Variants in NLRP2 observed in about 807,000 individuals in gnomAD.
NLRP2 encodes the protein NLR family pyrin domain containing 2, also known as NACHT, LRR and PYD domains-containing protein 2.
In NLRP2, 107 loss-of-function variants were observed where a neutral mutation model predicts 97.2. The observed-to-expected ratio is 1.10, with a 90% CI of 0.94 to 1.29. The LOEUF is 1.29. NLRP2 is among the 50% of genes most tolerant of loss of function. The probability of loss-of-function intolerance (pLI) is 0.00; values close to 1 mark genes in which losing one functional copy is unlikely to be tolerated. For missense variants in NLRP2, 1,495 were observed against 1,330.3 expected, an observed-to-expected ratio of 1.12 and a Z score of -1.93; for synonymous variants, 663 against 551.5, an observed-to-expected ratio of 1.20 and a Z score of -2.83.
In NLRP2 at chr19:54,983,488, C is replaced by G. The variant is rs921305811; in HGVS notation, c.1790C>G (p.Ser597Ter). 8.7e-6 allele frequency: 14 copies of G among 1,614,012 alleles called. No homozygotes were observed. Among genetic ancestry groups the G allele is most frequent in the African/African-American group, 2.7e-5 (2 of 74,934 alleles). Reference sequence around the variant, plus strand: ...GACATAAGTTGTAAGGGTGGACATTCAACGGTGACAGACCTGCAGGAGCTC... The same window carrying G: ...GACATAAGTTGTAAGGGTGGACATTGAACGGTGACAGACCTGCAGGAGCTC... The part of the protein sequence containing the change: ...RCDISCKGGH[S>*]TVTDLQELLG... The change falls in exon 6 of 13, where the codon TCA (serine) becomes TGA (stop). Residue 597 changes from serine to a stop codon, truncating the protein, a stop_gained. Coordinates refer to ENST00000448584, the MANE Select transcript of NLRP2 (RefSeq NM_017852.5). LOFTEE classifies it high-confidence loss of function.
intron 8 of NLRP2, among the ~76,000 whole-genome samples, chr19:54,988,198 T>C (rs181439996): frequency 1.4e-4 from 22 of 152,324 alleles, no homozygotes; most frequent in Admixed American, 2.0e-4. Flanking sequence ...CTATCATTAC[T>C]AACCGTTGCA....
chr19:54,970,397 T>C, intron 2 of NLRP2, 102 bp downstream of exon 2: 1 of 1,416,940 alleles, frequency 7.1e-7, no homozygotes, highest in Non-Finnish European at 9.9e-7. Context: ...ACGCCTGTCG[T>C]CCCAGCCCTT....
chr19:54,997,100 G>A (rs1274942196), intron 11 of NLRP2, among the ~76,000 whole-genome samples: 1 of 152,096 alleles, frequency 6.6e-6, no homozygotes, highest in East Asian at 1.9e-4. Flanking sequence ...TAGAGACACG[G>A]TTTTACCATG....
intron 1 of NLRP2, among the ~76,000 whole-genome samples, chr19:54,968,129 G>T (rs2070595406): frequency 6.6e-6 from 1 of 152,056 alleles, no homozygotes; most frequent in Non-Finnish European, 1.5e-5. Flanking sequence ...TGTTGGCCAG[G>T]CTGGTCTCAA....
chr19:54,968,064 G>T (rs971695440), intron 1 of NLRP2, among the ~76,000 whole-genome samples: 1 of 151,734 alleles, frequency 6.6e-6, no homozygotes, highest in African/African-American at 2.4e-5. Context: ...GACTACAGCC[G>T]CCTGTCACCA....
At chr19:54,997,199 C>T in intron 11 of NLRP2, 118 bp from the exon 12 acceptor site, 2 of 1,067,034 alleles carry the variant, frequency 1.9e-6, no homozygotes, top group Non-Finnish European at 2.9e-6. Context: ...ACCACCGTGC[C>T]CGGCCTGAGA....
chr19:54,977,577 T>TA (rs1418281245), intron 3 of NLRP2, among the ~76,000 whole-genome samples, 175 bp from the exon 4 acceptor site: 3 of 151,034 alleles, frequency 2.0e-5, no homozygotes, highest in African/African-American at 7.3e-5. Flanking sequence ...GAAAGGCACA[T>TA]AAACCTGGGA....
At chr19:54,965,600 C>T (rs373845487), upstream of NLRP2, among the ~76,000 whole-genome samples, 309 of 43,904 alleles carry the variant, frequency 7.0e-3, 18 homozygotes, top group East Asian at 0.082. Context: ...GGACTACAGG[C>T]GCCCGCCACC....
At chr19:54,986,107 A>G (rs368038179) in intron 7 of NLRP2, 44 bp from the exon 8 acceptor site, 3 of 1,291,358 alleles carry the variant, frequency 2.3e-6, no homozygotes. Flanking sequence ...AGTACGATAC[A>G]GGTGTACACA....
chr19:54,971,327 G>A, intron 2 of NLRP2, among the ~76,000 whole-genome samples: 1 of 151,314 alleles, frequency 6.6e-6, no homozygotes, highest in East Asian at 1.9e-4. Flanking sequence ...AGTCATTTGG[G>A]TATATACCCA....
At position 54,982,389 on chromosome 19, in the gene NLRP2, G is replaced by T. The variant is rs531856312; in HGVS notation, c.691G>T (p.Ala231Ser). Residue 231 changes from alanine (A) to serine (S), a missense_variant, in exon 6 of 13, where the codon GCA becomes TCA. Coordinates refer to ENST00000448584, the MANE Select transcript of NLRP2 (RefSeq NM_017852.5). ...GGCCCAGAAACTAATGCTAGACTGGGCAGAGGACAACCTCATCCACAAATT... is the reference window on the plus strand; with the variant it reads ...GGCCCAGAAACTAATGCTAGACTGGTCAGAGGACAACCTCATCCACAAATT... ...TLAQKLMLDW[A>S]EDNLIHKFKY... The T allele has an allele frequency of 1.4e-4, 230 of 1,613,996 alleles. No individual in the cohort carries two copies. The highest frequency in any genetic ancestry group is 1.8e-4 in the Non-Finnish European group (217 of 1,180,038).
chr19:54,980,589 C>T (rs1205853550), intron 4 of NLRP2, among the ~76,000 whole-genome samples: 1 of 152,226 alleles, frequency 6.6e-6, no homozygotes, highest in African/African-American at 2.4e-5. Context: ...CCCCAGCGGG[C>T]AGGTTGTCAT....
intron 10 of NLRP2, among the ~76,000 whole-genome samples, chr19:54,992,142 G>A (rs920310570): frequency 2.0e-5 from 3 of 151,584 alleles, no homozygotes; most frequent in Non-Finnish European, 2.9e-5. Flanking sequence ...GTCTCGAACT[G>A]ACCTCATGAT....
At chr19:54,980,416 G>C (rs906659081) in intron 4 of NLRP2, among the ~76,000 whole-genome samples, 10 of 151,720 alleles carry the variant, frequency 6.6e-5, no homozygotes, top group East Asian at 2.0e-4. Flanking sequence ...GGATGGTCTC[G>C]ATCTCCTGAC....
intron 2 of NLRP2, among the ~76,000 whole-genome samples, chr19:54,970,928 G>C (rs1485144891): frequency 7.2e-6 from 1 of 138,780 alleles, no homozygotes; most frequent in Non-Finnish European, 1.6e-5. Flanking sequence ...CCACTAACTC[G>C]TCATCTAGCA....
intron 2 of NLRP2, chr19:54,973,701 G>C: frequency 2.5e-6 from 1 of 399,902 alleles, no homozygotes; most frequent in East Asian, 6.5e-5. Flanking sequence ...GCTGACCTCC[G>C]GAGGTTACAA....
intron 4 of NLRP2, among the ~76,000 whole-genome samples, chr19:54,978,070 GT>G (rs1415517450): frequency 6.6e-6 from 1 of 151,546 alleles, no homozygotes; most frequent in East Asian, 1.9e-4. Flanking sequence ...TTTTGTTTTT[GT>G]TTTTGTTTTG....
chr19:54,974,330 CAG>C, intron 2 of NLRP2, 168 bp from the exon 3 acceptor site: 1 of 675,066 alleles, frequency 1.5e-6, no homozygotes, highest in Admixed American at 2.4e-5. Context: ...GCCTGGGCAA[CAG>C]AGTGACACTC....
Position 55,000,997 on chromosome 19 carries a change from A to T in NLRP2, c.*99A>T, listed in dbSNP as rs2073161312. 9.4e-7 allele frequency: 1 copy of T among 1,060,664 alleles called. No homozygotes were observed. Among genetic ancestry groups the T allele is most frequent in the Non-Finnish European group, 1.5e-6 (1 of 686,802 alleles). 65.7% of individuals were successfully genotyped at this position (1,060,664 alleles called of 1,614,324 possible). A position where few individuals can be genotyped will look rare whatever the true frequency, so the allele number is the denominator to read the frequency against. The stretch of plus-strand genomic sequence containing the variant: ...CCTCCCCGGCCCCTACCCCTCAGGG[A>T]TAATGAGTTCATTGCTGGGCTAGAT... On this transcript the variant is annotated 3_prime_UTR_variant, in exon 13 of 13. Transcript: ENST00000448584.
Sources: gnomAD v4.1 joint callset for allele counts (sites outside exome capture counted in the v4.1 genomes callset) on GRCh38, gnomAD v4.1.1 for gene constraint, MANE v1.5 for transcripts, NCBI Gene and HGNC (gene_info 2026-07-23, HGNC 2026-07-21) for gene names.